Variants in DIXDC1 observed in about 807,000 individuals in gnomAD.
The protein encoded by DIXDC1 is dixin.
A neutral mutation model predicts 103.1 loss-of-function variants in DIXDC1; 64 were observed. The observed-to-expected ratio is 0.62, with a 90% CI of 0.51 to 0.76. DIXDC1 has a LOEUF of 0.76. DIXDC1 is among the 30% of genes least tolerant of loss of function. The pLI is 0.00. For synonymous variants in DIXDC1, 266 were observed against 298.5 expected, an observed-to-expected ratio of 0.89 and a Z score of 1.12; for missense variants, 759 against 834.2, an observed-to-expected ratio of 0.91 and a Z score of 1.11.
chr11:111,937,135 G>GGGT (rs1315804571), upstream of DIXDC1: 13 of 723,096 alleles, frequency 1.8e-5, 2 homozygotes, highest in East Asian at 1.4e-3. Flanking sequence ...CCCGGGCGGG[G>GGGT]GGGGGGTGTG....
In DIXDC1 at chr11:112,016,970, G is replaced by C. The variant is rs77596853; in HGVS notation, c.1862+174G>C. Among the ~76,000 whole-genome samples, 1,086 of 152,036 alleles carry C rather than the reference G, an allele frequency of 7.1e-3. 14 individuals are homozygous for C. Among genetic ancestry groups the C allele is most frequent in the African/African-American group, 0.024 (990 of 41,474 alleles). ...CTAGTTTCAGCTTTGCCACTATTCA[G>C]TGGTATTATAAAGGACAAGTCATGA... On this transcript the variant is annotated intron_variant, in intron 18 of 19. Transcript: ENST00000440460.
rs1861030979 is a variant in DIXDC1 at position 112,000,455 on chromosome 11, T to C, written c.1756+4309T>C. On this transcript the variant is annotated intron_variant, in intron 17 of 19. Transcript: ENST00000440460. ...GGCTCACACTTGTAATCTTAGTACT[T>C]TGGGAGGCTGAGGTGGGCAGATCAT... Among the ~76,000 whole-genome samples the C allele has an allele frequency of 3.3e-5, 5 of 152,078 alleles. No homozygotes were observed. The South Asian group carries it at 1.0e-3, about 32-fold the overall frequency.
intron 1 of DIXDC1, among the ~76,000 whole-genome samples, chr11:111,959,675 C>T (rs587601951): frequency 2.0e-5 from 3 of 152,306 alleles, no homozygotes; most frequent in African/African-American, 7.2e-5. Context: ...CTCAAGGATC[C>T]CATAACATTA....
chr11:111,958,599 C>T lies in DIXDC1; in HGVS notation c.61-5950C>T, dbSNP rs587615554. Among the ~76,000 whole-genome samples, 630 of 152,298 alleles carry T rather than the reference C, an allele frequency of 4.1e-3. 7 individuals carry two copies. The highest frequency in any genetic ancestry group is 5.7e-3 in the Non-Finnish European group (391 of 68,020). On this transcript the variant is annotated intron_variant, in intron 1 of 19. Transcript: ENST00000440460. The surrounding 1 kb of genome is among the most constrained non-coding windows in gnomAD (Gnocchi z 4.2). ...GTGGGCAGCTCAGCGCTGGTCTACA[C>T]GTGCCCCTTGGCACGTGGCAGGAGG...
intron 1 of DIXDC1, among the ~76,000 whole-genome samples, chr11:111,938,160 G>A (rs587722666): frequency 6.6e-6 from 1 of 152,318 alleles, no homozygotes; most frequent in Admixed American, 6.5e-5. Flanking sequence ...CGCGTGCACC[G>A]GTCCATGTGA....
intron 5 of DIXDC1, among the ~76,000 whole-genome samples, chr11:111,978,882 C>A (rs1860208211): frequency 6.6e-6 from 1 of 152,192 alleles, no homozygotes; most frequent in African/African-American, 2.4e-5. Flanking sequence ...TGAGCAGGCA[C>A]AAATCTATTC....
In DIXDC1 at chr11:111,981,123, G is replaced by A. The variant is rs1566524266; in HGVS notation, c.769+274G>A. Among the ~76,000 whole-genome samples, 3 of 150,886 alleles carry A rather than the reference G, an allele frequency of 2.0e-5. No homozygotes were observed. In the South Asian group the frequency reaches 6.3e-4, roughly 31 times the overall value. ...CTATGAATTAGGAAATGACTTTGGG[G>A]CAGTCAAAAGCCTTACTCAAGTAAA... On this transcript the variant is annotated intron_variant, in intron 6 of 19. Coordinates refer to ENST00000440460, the MANE Select transcript of DIXDC1 (RefSeq NM_001037954.4).
intron 1 of DIXDC1, among the ~76,000 whole-genome samples, chr11:111,953,353 C>T (rs1966848793): frequency 6.6e-6 from 1 of 151,964 alleles, no homozygotes; most frequent in Non-Finnish European, 1.5e-5. Context: ...TAAAATCAAC[C>T]AGGCCGGGCA....
chr11:111,935,385 A>C (rs1966159433), upstream of DIXDC1, among the ~76,000 whole-genome samples: 1 of 152,238 alleles, frequency 6.6e-6, no homozygotes, highest in Non-Finnish European at 1.5e-5. Context: ...TTCCAGAAAC[A>C]CTGAGCTCAC....
chr11:112,008,141 A>G (rs1309698384), intron 17 of DIXDC1, among the ~76,000 whole-genome samples: 6 of 151,834 alleles, frequency 4.0e-5, no homozygotes, highest in African/African-American at 1.2e-4. Context: ...CAAAAAAAAA[A>G]AAAAAAGAAA....
chr11:111,955,959 A>C (rs1189801683), intron 1 of DIXDC1, among the ~76,000 whole-genome samples: 1 of 150,756 alleles, frequency 6.6e-6, no homozygotes, highest in Non-Finnish European at 1.5e-5. Flanking sequence ...TGAATGGATA[A>C]AGAAAATGTG....
In DIXDC1 at chr11:111,967,991, T is replaced by C. The variant is rs186963266; in HGVS notation, c.191-522T>C. Among the ~76,000 whole-genome samples the C allele has an allele frequency of 4.3e-4, 66 of 152,378 alleles. 1 individual carries two copies. The highest frequency in any genetic ancestry group is 1.4e-3 in the African/African-American group (59 of 41,592). ...GTCCCTGTGGTTCCTCAGTCTGGAA[T>C]GCTTCCTCCTCAAATCTTAACATGC... On this transcript the variant is annotated intron_variant, in intron 2 of 19. Transcript: ENST00000440460.
intron 17 of DIXDC1, among the ~76,000 whole-genome samples, chr11:112,011,503 C>T (rs988911182): frequency 3.3e-5 from 5 of 152,160 alleles, no homozygotes; most frequent in South Asian, 4.1e-4. Flanking sequence ...CACATGCACA[C>T]GCATGTTTAT....
intron 17 of DIXDC1, among the ~76,000 whole-genome samples, chr11:112,015,799 CTTTTTTTTTTT>C (rs782121271): frequency 1.7e-4 from 8 of 47,034 alleles, no homozygotes; most frequent in Non-Finnish European, 2.8e-4. Context: ...GAGACCCTGT[CTTTTTTTTTTT>C]TTTTTTTTTT....
Position 111,980,808 on chromosome 11 carries a change from A to G in DIXDC1, c.728A>G (p.Asp243Gly), listed in dbSNP as rs1860272763. Residue 243 changes from aspartate (D) to glycine (G), a missense_variant, in exon 6 of 20, where the codon GAT (aspartate) becomes GGT (glycine). By Grantham distance (94) the Asp-to-Gly change is moderately conservative. Around this residue, in one of 3 missense-constraint regions of DIXDC1, gnomAD observed 657 missense variants for 727.5 expected, o/e 0.90. Coordinates refer to ENST00000440460, the MANE Select transcript of DIXDC1 (RefSeq NM_001037954.4). ...SIITQSEEKA[D>G]FVIIPAEGIE... is the part of the protein sequence containing the mutation. The stretch of plus-strand genomic sequence containing the variant: ...ATAACCCAGTCAGAAGAGAAGGCAG[A>G]TTTTGTGATTATTCCCGCTGAAGGA... 1.2e-6 allele frequency: 2 copies of G among 1,613,886 alleles called. No homozygotes were observed. The highest frequency in any genetic ancestry group is 1.3e-5 in the African/African-American group (1 of 74,938).
chr11:112,016,439 T>C (rs1341129664), intron 17 of DIXDC1, among the ~76,000 whole-genome samples: 1 of 152,208 alleles, frequency 6.6e-6, no homozygotes, highest in African/African-American at 2.4e-5. Flanking sequence ...CAATGATACC[T>C]GTCATATCAG....
At chr11:111,937,847 G>A (rs1238572269) in intron 1 of DIXDC1, among the ~76,000 whole-genome samples, 1 of 152,184 alleles carries the variant, frequency 6.6e-6, no homozygotes, top group Non-Finnish European at 1.5e-5. Context: ...CAGAAGAGGG[G>A]GTCTCCATCC....
intron 1 of DIXDC1, chr11:111,928,303 A>C (rs1555167282): frequency 6.8e-6 from 1 of 146,824 alleles, no homozygotes; most frequent in Non-Finnish European, 1.5e-5. Flanking sequence ...TAATCCCAGC[A>C]CTTTGGGAGG....
At chr11:112,016,926 T>TCTC in intron 18 of DIXDC1, 130 bp downstream of exon 18, 1 of 718,848 alleles carries the variant, frequency 1.4e-6, no homozygotes, top group Non-Finnish European at 2.2e-6. Context: ...TATAGTGAGA[T>TCTC]AAGCCAGAGA....
Sources: allele counts gnomAD v4.1 joint callset (sites outside exome capture counted in the v4.1 genomes callset), GRCh38; gene constraint gnomAD v4.1.1; regional missense constraint gnomAD v4.1.1; non-coding constraint Gnocchi (gnomAD v3.1); transcripts MANE v1.5; gene names NCBI Gene and HGNC (gene_info 2026-07-23, HGNC 2026-07-21).